Variants in SCFD2 observed in about 807,000 individuals in gnomAD.
The protein encoded by SCFD2 is sec1 family domain-containing protein 2.
SCFD2 carries 54 observed loss-of-function variants against 58.9 expected under a neutral mutation model. That is an observed-to-expected ratio of 0.92 (90% confidence interval 0.74 to 1.15). SCFD2 has a LOEUF of 1.15. SCFD2 is among the 50% of genes most tolerant of loss of function. SCFD2 has a pLI of 0.00. For missense variants in SCFD2, 805 were observed against 836.6 expected, an observed-to-expected ratio of 0.96 and a Z score of 0.47; for synonymous variants, 321 against 335.9, an observed-to-expected ratio of 0.96 and a Z score of 0.49.
chr4:53,135,225 T>C (rs1317139767), intron 5 of SCFD2, among the ~76,000 whole-genome samples: 7 of 152,206 alleles, frequency 4.6e-5, no homozygotes, highest in South Asian at 2.1e-4. Context: ...AGCATTCCTC[T>C]GTAATCAATG....
At chr4:53,056,957 C>T (rs1299477147) in intron 5 of SCFD2, among the ~76,000 whole-genome samples, 2 of 151,914 alleles carry the variant, frequency 1.3e-5, no homozygotes, top group African/African-American at 4.8e-5. Context: ...GCCGAGGTGG[C>T]GGATCACTTG....
intron 4 of SCFD2, among the ~76,000 whole-genome samples, chr4:53,199,950 GA>G (rs1728176990): frequency 6.7e-6 from 1 of 150,064 alleles, no homozygotes; most frequent in African/African-American, 2.5e-5. Context: ...GAGCAAGAGA[GA>G]GTGAGAGTGA....
chr4:53,007,018 C>T (rs1023704324), intron 5 of SCFD2, among the ~76,000 whole-genome samples: 41 of 151,944 alleles, frequency 2.7e-4, no homozygotes, highest in African/African-American at 9.2e-4. Context: ...CGGTGGCTCA[C>T]GCCTATAATC....
intron 5 of SCFD2, among the ~76,000 whole-genome samples, chr4:52,952,049 A>G (rs1720606917): frequency 6.6e-6 from 1 of 152,144 alleles, no homozygotes; most frequent in African/African-American, 2.4e-5. Context: ...CCACAGAGTG[A>G]TATCTGTACA....
intron 5 of SCFD2, among the ~76,000 whole-genome samples, chr4:53,119,630 G>A (rs868172067): frequency 3.9e-5 from 6 of 152,216 alleles, no homozygotes; most frequent in Non-Finnish European, 1.5e-5. Context: ...AGCATATACT[G>A]TTAGCCCTGT....
At chr4:53,262,724 G>A (rs886151574) in intron 4 of SCFD2, among the ~76,000 whole-genome samples, 3 of 152,146 alleles carry the variant, frequency 2.0e-5, no homozygotes, top group Non-Finnish European at 4.4e-5. Flanking sequence ...TGATGACTAT[G>A]TGCCTAGGCA....
At chr4:52,941,226 T>C (rs554022789) in intron 5 of SCFD2, among the ~76,000 whole-genome samples, 1 of 152,282 alleles carries the variant, frequency 6.6e-6, no homozygotes. Flanking sequence ...TTCTAGGGGA[T>C]GTAATGGTGA....
At position 52,920,832 on chromosome 4, in the gene SCFD2, T is replaced by G. The variant is rs757446516; in HGVS notation, c.1600A>C (p.Lys534Gln). Residue 534 changes from lysine to glutamine, a missense_variant, in exon 6 of 9, where the codon AAA becomes CAA. Physicochemically the swap from Lys to Gln is moderately conservative, Grantham distance 53. This residue lies in a region of SCFD2 where 633 missense variants were observed against 646.8 expected (regional missense o/e 0.98). Coordinates refer to ENST00000401642, the MANE Select transcript of SCFD2 (RefSeq NM_152540.4). ...GTAAAGAGTTCATCCACGGCAATTTTGGATTTGTGAAATGTCAGATTAATT... is the reference window on the plus strand; with the variant it reads ...GTAAAGAGTTCATCCACGGCAATTTGGGATTTGTGAAATGTCAGATTAATT... Reference protein sequence around the residue: ...SSINLTFHKSKIAVDELFTSL... With the variant: ...SSINLTFHKSQIAVDELFTSL... The G allele has an allele frequency of 1.1e-5, 17 of 1,611,584 alleles. No homozygotes were observed. The highest frequency in any genetic ancestry group is 1.6e-4 in the Middle Eastern group (1 of 6,078).
At chr4:53,055,470 G>T (rs1313378532) in intron 5 of SCFD2, among the ~76,000 whole-genome samples, 1 of 152,088 alleles carries the variant, frequency 6.6e-6, no homozygotes, top group African/African-American at 2.4e-5. Flanking sequence ...AGTCCTGAGG[G>T]TTTGGAAAGT....
chr4:53,155,396 A>T (rs1489789938), intron 4 of SCFD2, among the ~76,000 whole-genome samples: 1 of 152,188 alleles, frequency 6.6e-6, no homozygotes, highest in Admixed American at 6.5e-5. Context: ...TCTGTAAGGG[A>T]TAATGCAGCA....
intron 4 of SCFD2, among the ~76,000 whole-genome samples, chr4:53,249,218 G>C (rs1424987566): frequency 1.3e-5 from 2 of 152,146 alleles, no homozygotes; most frequent in Non-Finnish European, 2.9e-5. Flanking sequence ...GATGGAAGAT[G>C]AAATGAATAA....
At chr4:52,992,598 C>A (rs1436994716) in intron 5 of SCFD2, among the ~76,000 whole-genome samples, 2 of 151,846 alleles carry the variant, frequency 1.3e-5, no homozygotes, top group Non-Finnish European at 2.9e-5. Flanking sequence ...CTCTGCCCGG[C>A]CGCCCATCGT....
At chr4:52,912,807 G>A (rs1286322986) in intron 6 of SCFD2, among the ~76,000 whole-genome samples, 1 of 152,154 alleles carries the variant, frequency 6.6e-6, no homozygotes, top group Non-Finnish European at 1.5e-5. Context: ...TGACTTGCAT[G>A]AAATTTTCTA....
At chr4:53,069,681 A>G (rs1313567924) in intron 5 of SCFD2, among the ~76,000 whole-genome samples, 4 of 152,076 alleles carry the variant, frequency 2.6e-5, no homozygotes, top group African/African-American at 9.7e-5. Flanking sequence ...AATAAAAGTA[A>G]TGCAACATGG....
intron 4 of SCFD2, among the ~76,000 whole-genome samples, chr4:53,167,530 CA>C (rs1443312176): frequency 2.0e-5 from 3 of 152,118 alleles, no homozygotes; most frequent in Non-Finnish European, 4.4e-5. Context: ...TCCAAAATTC[CA>C]ACCCTAAAAC....
intron 2 of SCFD2, among the ~76,000 whole-genome samples, chr4:53,345,149 A>G (rs542593796): frequency 1.3e-5 from 2 of 152,334 alleles, no homozygotes; most frequent in Admixed American, 6.5e-5. Flanking sequence ...AACTACCACA[A>G]GAGTGAACAG....
chr4:53,029,685 T>C (rs1722567628), intron 5 of SCFD2, among the ~76,000 whole-genome samples: 1 of 152,204 alleles, frequency 6.6e-6, no homozygotes, highest in African/African-American at 2.4e-5. Flanking sequence ...TCCACACATA[T>C]ATGATCAACT....
chr4:53,213,763 G>A lies in SCFD2; in HGVS notation c.1311+60063C>T, dbSNP rs781607583. Among the ~76,000 whole-genome samples the A allele has an allele frequency of 6.6e-5, 10 of 151,998 alleles. No homozygotes were observed. The East Asian group carries it at 1.2e-3, about 18-fold the overall frequency. On this transcript the variant is annotated intron_variant, in intron 4 of 8. Coordinates refer to ENST00000401642, the MANE Select transcript of SCFD2 (RefSeq NM_152540.4). ...GTTGATGTGCTGCATCCATTAACTC[G>A]TCATTTATATTAGTTATATCTCCTC... is the stretch of plus-strand genomic sequence containing the variant.
rs191304936 is a variant in SCFD2, at chr4:53,067,668, G to A, written c.1561+77665C>T. 5.4e-3 allele frequency among the ~76,000 whole-genome samples: 824 copies of A among 152,142 alleles called. 6 individuals carry two copies. Among genetic ancestry groups the A allele is most frequent in the Non-Finnish European group, 9.2e-3 (623 of 67,986 alleles). ...CCTGCTGTCATGTGAAGAAGGACAT[G>A]TTTGCTTCCCCTTCTGCCATGATTG... On this transcript the variant is annotated intron_variant, in intron 5 of 8. Coordinates refer to ENST00000401642, the MANE Select transcript of SCFD2 (RefSeq NM_152540.4).
Sources: allele counts gnomAD v4.1 joint callset (sites outside exome capture counted in the v4.1 genomes callset), GRCh38; gene constraint gnomAD v4.1.1; regional missense constraint gnomAD v4.1.1; transcripts MANE v1.5; gene names NCBI Gene and HGNC (gene_info 2026-07-23, HGNC 2026-07-21).